The following USP54 variants were observed in gnomAD, a reference collection of about 807,000 sequenced individuals.
USP54 encodes ubiquitin specific peptidase 54, also known as ubiquitin carboxyl-terminal hydrolase 54.
In USP54, 87 loss-of-function variants were observed where a neutral mutation model predicts 170.5. The observed-to-expected ratio is 0.51, with a 90% CI of 0.43 to 0.61. USP54 has a LOEUF of 0.61. Ranked by LOEUF, USP54 falls within the 20% of genes least tolerant of loss-of-function variation. The pLI is 0.00. For missense variants in USP54, 1,786 were observed against 2,047.8 expected (o/e 0.87, Z 2.47); for synonymous variants, 655 against 742.8 (o/e 0.88, Z 1.92).
intron 4 of USP54, among the ~76,000 whole-genome samples, chr10:73,552,757 C>T (rs1367974191): frequency 6.6e-6 from 1 of 152,134 alleles, no homozygotes; most frequent in Non-Finnish European, 1.5e-5. Context: ...CACCACTGTA[C>T]TCCAGCCTGG....
intron 18 of USP54, 48 bp from the exon 19 acceptor site, chr10:73,520,040 T>C (rs1278042619): frequency 6.5e-7 from 1 of 1,533,100 alleles, no homozygotes; most frequent in African/African-American, 1.4e-5. Flanking sequence ...AAAACACAAA[T>C]AAAAATAAAA....
intron 20 of USP54, among the ~76,000 whole-genome samples, chr10:73,507,908 G>A (rs376737929): frequency 6.6e-6 from 1 of 151,216 alleles, no homozygotes; most frequent in Non-Finnish European, 1.5e-5. Flanking sequence ...GGAGGGTCAC[G>A]TGAACCTGGA....
At chr10:73,545,029 A>T (rs2133551370) in intron 5 of USP54, among the ~76,000 whole-genome samples, 1 of 152,198 alleles carries the variant, frequency 6.6e-6, no homozygotes, top group South Asian at 2.1e-4. Context: ...TTCTAAATGG[A>T]TTTACAGAGA....
chr10:73,620,292 G>A (rs1344686495), intron 1 of USP54, among the ~76,000 whole-genome samples: 4 of 146,408 alleles, frequency 2.7e-5, no homozygotes, highest in Non-Finnish European at 5.9e-5. Flanking sequence ...TAGCCTGGGC[G>A]ACAGAGCGAG....
At chr10:73,545,067 C>T (rs2067473578) in intron 5 of USP54, among the ~76,000 whole-genome samples, 1 of 152,100 alleles carries the variant, frequency 6.6e-6, no homozygotes, top group South Asian at 2.1e-4. Flanking sequence ...GTATAGAACA[C>T]AGAGTTCAGA....
chr10:73,539,706 C>T, intron 9 of USP54, 113 bp from the exon 10 acceptor site: 1 of 1,189,386 alleles, frequency 8.4e-7, no homozygotes, highest in Non-Finnish European at 1.1e-6. Flanking sequence ...GCTTCTCTTC[C>T]CTTCAGTTTA....
chr10:73,517,647 C>T lies in USP54; in HGVS notation c.2779G>A (p.Ala927Thr). 1.2e-6 allele frequency: 2 copies of T among 1,614,188 alleles called. No homozygotes were observed. The highest frequency in any genetic ancestry group is 1.7e-6 in the Non-Finnish European group (2 of 1,180,030). The change falls in exon 20 of 24, where the codon GCT (alanine) becomes ACT (threonine). Residue 927 changes from alanine (A) to threonine (T), a missense_variant. By Grantham distance (58) the Ala-to-Thr change is moderately conservative. This residue lies in a region of USP54 where 1,418 missense variants were observed against 1,569.0 expected (regional missense o/e 0.90). Coordinates refer to ENST00000687698, the MANE Select transcript of USP54 (RefSeq NM_001391956.1). ...GATGAGTGTGACTCATGGCAGGAAG[C>T]AGGTGAATGGAAGAAAGAACTGGCC... Reference protein sequence around the residue: ...FGASSFFHSPASCHESHSSLS... With the variant: ...FGASSFFHSPTSCHESHSSLS...
intron 3 of USP54, among the ~76,000 whole-genome samples, chr10:73,572,733 T>C (rs780671463): frequency 6.6e-6 from 1 of 152,174 alleles, no homozygotes; most frequent in African/African-American, 2.4e-5. Flanking sequence ...AAACCATCAA[T>C]GCCTCAATCA....
At chr10:73,560,895 G>C (rs2072776060) in intron 4 of USP54, among the ~76,000 whole-genome samples, 1 of 150,942 alleles carries the variant, frequency 6.6e-6, no homozygotes, top group African/African-American at 2.4e-5. Context: ...ACAAGGTCAG[G>C]AGTTCGAGAC....
chr10:73,514,831 G>A (rs1589919644), intron 20 of USP54, among the ~76,000 whole-genome samples: 1 of 152,064 alleles, frequency 6.6e-6, no homozygotes, highest in East Asian at 1.9e-4. Context: ...CCTGAGGTCA[G>A]GAGTTCAAGA....
At chr10:73,562,957 T>G (rs1590425262) in intron 4 of USP54, among the ~76,000 whole-genome samples, 1 of 151,776 alleles carries the variant, frequency 6.6e-6, no homozygotes, top group Non-Finnish European at 1.5e-5. Context: ...TAACACTCAA[T>G]TTTTTTTTCT....
intron 4 of USP54, among the ~76,000 whole-genome samples, chr10:73,550,367 A>AT (rs1384774465): frequency 1.3e-5 from 2 of 152,066 alleles, no homozygotes; most frequent in Non-Finnish European, 2.9e-5. Flanking sequence ...TTTCCTGTGG[A>AT]TTTTTTATCC....
Position 73,499,036 on chromosome 10 carries a change from G to C in USP54, c.4648C>G (p.Gln1550Glu). Residue 1550 changes from glutamine (Q) to glutamate (E), a missense_variant, in exon 24 of 24, where the codon CAG becomes GAG. Gln to Glu is a conservative substitution (Grantham distance 29). Around this residue, in one of 3 missense-constraint regions of USP54, gnomAD observed 1,418 missense variants for 1,569.0 expected, o/e 0.90. Transcript: ENST00000687698. Reference protein sequence around the residue: ...NSWAPWSETNQHIGTRFLTTP... With the variant: ...NSWAPWSETNEHIGTRFLTTP... ...GTCAGGAATCTGGTCCCAATATGCT[G>C]GTTGGTCTCTGACCAGGGTGCCCAG... 1 of 1,614,148 alleles carries C rather than the reference G, an allele frequency of 6.2e-7. No individual in the cohort carries two copies. The highest frequency in any genetic ancestry group is 8.5e-7 in the Non-Finnish European group (1 of 1,180,032).
chr10:73,541,395 T>C lies in USP54; in HGVS notation c.805A>G (p.Thr269Ala), dbSNP rs745335231. 29 of 1,613,986 alleles carry C rather than the reference T, an allele frequency of 1.8e-5. No homozygotes were observed. Among genetic ancestry groups the C allele is most frequent in the Non-Finnish European group, 2.2e-5 (26 of 1,180,018 alleles). ...LAEDVIHSLG[T>A]CLKLGDLFFR... is the part of the protein sequence containing the mutation. The stretch of plus-strand genomic sequence containing the variant: ...CGCACATCACCCAGCTTAAGGCAGG[T>C]TCCCAGGCTGTGGATAACATCTTCT... Residue 269 changes from threonine to alanine, a missense_variant, in exon 9 of 24, where the codon ACC (threonine) becomes GCC (alanine). Thr to Ala is a moderately conservative substitution (Grantham distance 58). Transcript: ENST00000687698.
chr10:73,523,748 C>G lies in USP54; in HGVS notation c.2197G>C (p.Glu733Gln). 6.2e-7 allele frequency: 1 copy of G among 1,611,840 alleles called. No homozygotes were observed. Among genetic ancestry groups the G allele is most frequent in the Non-Finnish European group, 8.5e-7 (1 of 1,178,512 alleles). ...GWTKSQPFSG[E>Q]EISSKSELDE... ...AGTTCACTTTTAGAAGATATCTCCT[C>G]ACCTGTAATATAAGCAAGGGAGAAG... The change falls in exon 17 of 24, where the codon GAG (glutamate) becomes CAG (glutamine). Residue 733 changes from glutamate to glutamine, a missense_variant and splice_region_variant. This residue lies in a region of USP54 where 1,418 missense variants were observed against 1,569.0 expected (regional missense o/e 0.90). Coordinates refer to ENST00000687698, the MANE Select transcript of USP54 (RefSeq NM_001391956.1).
chr10:73,567,987 C>T (rs1235184634), intron 4 of USP54, among the ~76,000 whole-genome samples: 1 of 152,116 alleles, frequency 6.6e-6, no homozygotes, highest in Non-Finnish European at 1.5e-5. Context: ...AATCATAGCT[C>T]ACTTCAGTGT....
intron 1 of USP54, among the ~76,000 whole-genome samples, chr10:73,621,903 T>C (rs1009546964): frequency 3.9e-5 from 6 of 152,122 alleles, no homozygotes; most frequent in Non-Finnish European, 7.4e-5. Context: ...AGTGTAAATA[T>C]CTGAGGGAGA....
At chr10:73,583,843 C>T (rs2077170456) in intron 1 of USP54, among the ~76,000 whole-genome samples, 1 of 151,806 alleles carries the variant, frequency 6.6e-6, no homozygotes, top group Non-Finnish European at 1.5e-5. Context: ...TTCAGGAAAG[C>T]TCTTTAGTTA....
At chr10:73,576,395 G>A (rs530473146) in intron 1 of USP54, 34 bp from the exon 2 acceptor site, 22 of 151,472 alleles carry the variant, frequency 1.5e-4, no homozygotes, top group South Asian at 4.2e-4. Context: ...AAAAGCTTGC[G>A]TCACTTAATG....
Sources: allele counts gnomAD v4.1 joint callset (sites outside exome capture counted in the v4.1 genomes callset), GRCh38; gene constraint gnomAD v4.1.1; regional missense constraint gnomAD v4.1.1; transcripts MANE v1.5; gene names NCBI Gene and HGNC (gene_info 2026-07-23, HGNC 2026-07-21).